Variants in MLIP observed in about 807,000 individuals in gnomAD.
The protein encoded by MLIP is muscular LMNA interacting protein, also known as muscular LMNA-interacting protein.
Under a neutral mutation model 84.8 loss-of-function variants are expected in MLIP, and 79 were observed. The observed-to-expected ratio is 0.93, with a 90% CI of 0.78 to 1.12. The LOEUF (loss-of-function observed/expected upper bound fraction) is 1.12, where lower values mean the gene tolerates loss of function less well. Ranked by LOEUF, MLIP falls within the 50% of genes most tolerant of loss-of-function variation. MLIP has a pLI of 0.00. For synonymous variants in MLIP, 504 were observed against 463.0 expected, an observed-to-expected ratio of 1.09 and a Z score of -1.14; for missense variants, 1,257 against 1,160.6, an observed-to-expected ratio of 1.08 and a Z score of -1.21.
At chr6:54,041,097 G>A (rs1057239430) in intron 1 of MLIP, 1 of 151,964 alleles carries the variant, frequency 6.6e-6, no homozygotes, top group Non-Finnish European at 1.5e-5. Flanking sequence ...CAAAAAATCT[G>A]TCATGGAGAC....
At chr6:54,112,679 T>C (rs563674390) in intron 1 of MLIP, among the ~76,000 whole-genome samples, 1 of 152,242 alleles carries the variant, frequency 6.6e-6, no homozygotes, top group East Asian at 1.9e-4. Context: ...AAAAAAATTG[T>C]TTCCTTACAC....
intron 10 of MLIP, among the ~76,000 whole-genome samples, chr6:54,198,698 T>C (rs141557233): frequency 0.01 from 1,545 of 152,282 alleles, 31 homozygotes; most frequent in African/African-American, 0.034. Flanking sequence ...TCCAAGGTAA[T>C]ACAGTTTATT....
chr6:54,223,891 G>T (rs1042233310), intron 11 of MLIP, among the ~76,000 whole-genome samples: 3 of 151,804 alleles, frequency 2.0e-5, no homozygotes, highest in African/African-American at 4.8e-5. Context: ...TCAAATTATT[G>T]TCTATTAGAA....
intron 1 of MLIP, among the ~76,000 whole-genome samples, chr6:54,026,475 A>T (rs1763809270): frequency 2.0e-5 from 3 of 152,222 alleles, no homozygotes; most frequent in Admixed American, 6.5e-5. Flanking sequence ...AGCCAATAAC[A>T]AAAATTTAAA....
intron 1 of MLIP, among the ~76,000 whole-genome samples, chr6:54,025,933 T>C (rs560938695): frequency 2.6e-5 from 4 of 152,192 alleles, no homozygotes; most frequent in Non-Finnish European, 5.9e-5. Flanking sequence ...AAATTTATTA[T>C]CCACTTTTCT....
chr6:54,191,722 A>C (rs1010675790), intron 10 of MLIP, among the ~76,000 whole-genome samples: 2 of 152,214 alleles, frequency 1.3e-5, no homozygotes, highest in Non-Finnish European at 2.9e-5. Flanking sequence ...AAGCACTGCA[A>C]TAACATAATG....
rs1783672042 is a variant in MLIP, at chr6:54,266,185, G to A, written c.*230G>A. 3 of 537,848 alleles carry A rather than the reference G, an allele frequency of 5.6e-6. No individual in the cohort carries two copies. Among genetic ancestry groups the A allele is most frequent in the African/African-American group, 1.9e-5 (1 of 52,572 alleles). The allele number at this position is 537,848 out of a possible 1,614,324, so 33.3% of individuals were successfully genotyped here. ...TACAGCTTTTTGCACCACTGTTCTA[G>A]CCTTTAATGCCTTCTACTTAATATT... On this transcript the variant is annotated 3_prime_UTR_variant, in exon 14 of 14. Coordinates refer to ENST00000502396, the MANE Select transcript of MLIP (RefSeq NM_001281747.2).
chr6:54,143,853 A>G (rs1305178046), intron 4 of MLIP, among the ~76,000 whole-genome samples: 1 of 152,218 alleles, frequency 6.6e-6, no homozygotes, highest in African/African-American at 2.4e-5. Context: ...TGTTGAAAAT[A>G]AATGAACAAA....
chr6:54,019,953 T>C (rs192385244), intron 1 of MLIP, among the ~76,000 whole-genome samples: 1 of 152,316 alleles, frequency 6.6e-6, no homozygotes, highest in African/African-American at 2.4e-5. Context: ...GGTCTTAAAG[T>C]AATATATTTA....
At chr6:54,147,203 A>G (rs761069454) in intron 4 of MLIP, among the ~76,000 whole-genome samples, 2 of 152,182 alleles carry the variant, frequency 1.3e-5, no homozygotes, top group Non-Finnish European at 2.9e-5. Flanking sequence ...AGAAAATATT[A>G]TAGAGAAAGC....
At chr6:54,187,128 T>A (rs1200624978) in intron 9 of MLIP, among the ~76,000 whole-genome samples, 2 of 152,186 alleles carry the variant, frequency 1.3e-5, no homozygotes, top group Non-Finnish European at 1.5e-5. Context: ...GATTATGTGA[T>A]AATGTGGGGA....
intron 1 of MLIP, among the ~76,000 whole-genome samples, chr6:54,076,885 T>C (rs1473484801): frequency 6.6e-6 from 1 of 151,974 alleles, no homozygotes; most frequent in East Asian, 1.9e-4. Flanking sequence ...ATTTTTGGTT[T>C]TAAAAAGAAA....
chr6:54,177,424 G>A (rs1776400899), intron 9 of MLIP, among the ~76,000 whole-genome samples: 1 of 152,016 alleles, frequency 6.6e-6, no homozygotes, highest in East Asian at 1.9e-4. Context: ...CATTTAGGCA[G>A]CCAAGAAACA....
At chr6:54,033,593 G>T (rs1764263100) in intron 1 of MLIP, among the ~76,000 whole-genome samples, 1 of 151,954 alleles carries the variant, frequency 6.6e-6, no homozygotes, top group Non-Finnish European at 1.5e-5. Flanking sequence ...AGTGGCCCAG[G>T]ACACATAGCA....
chr6:54,152,118 A>T (rs1242564073), intron 5 of MLIP, among the ~76,000 whole-genome samples: 1 of 152,120 alleles, frequency 6.6e-6, no homozygotes, highest in East Asian at 1.9e-4. Flanking sequence ...GGGAGAGATA[A>T]ATGTAAGGTA....
At chr6:54,049,952 TG>T (rs1219062908) in intron 1 of MLIP, among the ~76,000 whole-genome samples, 6 of 152,332 alleles carry the variant, frequency 3.9e-5, no homozygotes, top group African/African-American at 1.4e-4. Context: ...GTTGAAATGT[TG>T]GTGACAGTTT....
At chr6:54,031,441 C>A (rs562125472) in intron 1 of MLIP, 3 of 152,168 alleles carry the variant, frequency 2.0e-5, no homozygotes, top group Non-Finnish European at 1.5e-5. Context: ...GTTCTTGGCA[C>A]CTTGTAAGCC....
At chr6:54,144,690 G>A (rs1742577579) in intron 4 of MLIP, among the ~76,000 whole-genome samples, 1 of 152,170 alleles carries the variant, frequency 6.6e-6, no homozygotes, top group South Asian at 2.1e-4. Flanking sequence ...ATTCCTAACA[G>A]GTACCAGTTT....
At chr6:54,127,226 G>T (rs1770994719) in intron 3 of MLIP, among the ~76,000 whole-genome samples, 1 of 100,876 alleles carries the variant, frequency 9.9e-6, no homozygotes, top group Admixed American at 9.0e-5. Context: ...TTTTAGTGGG[G>T]GAAAAAATTC....
Sources: allele counts gnomAD v4.1 joint callset (sites outside exome capture counted in the v4.1 genomes callset), GRCh38; gene constraint gnomAD v4.1.1; transcripts MANE v1.5; gene names NCBI Gene and HGNC (gene_info 2026-07-23, HGNC 2026-07-21).